AFF4: variants seen among roughly 807,000 people sequenced by gnomAD.
AFF4 encodes the protein ALF transcription elongation factor 4.
Under a neutral mutation model 124.8 loss-of-function variants are expected in AFF4, and 13 were observed. The observed-to-expected ratio is 0.10, with a 90% CI of 0.07 to 0.17. The LOEUF (loss-of-function observed/expected upper bound fraction) is 0.17. Among genes scored for constraint, AFF4 ranks in the 10% least tolerant of loss-of-function variants. AFF4 has a pLI of 1.00. For missense variants in AFF4, 1,092 were observed against 1,403.8 expected, an observed-to-expected ratio of 0.78 and a Z score of 3.55; for synonymous variants, 477 against 496.1, an observed-to-expected ratio of 0.96 and a Z score of 0.51.
At chr5:132,922,443 T>C (rs1326099638) in intron 5 of AFF4, among the ~76,000 whole-genome samples, 1 of 151,956 alleles carries the variant, frequency 6.6e-6, no homozygotes. Context: ...TATACATTTA[T>C]ACAAAGATTT....
chr5:132,884,489 C>T (rs944590470), intron 19 of AFF4, among the ~76,000 whole-genome samples: 6 of 152,164 alleles, frequency 3.9e-5, no homozygotes, highest in Admixed American at 3.9e-4. Flanking sequence ...ATCTGCCCAC[C>T]TCGGCCTCTC....
chr5:132,934,849 T>C lies in AFF4; in HGVS notation c.216A>G (p.Pro72=). 1.9e-6 allele frequency: 3 copies of C among 1,614,170 alleles called. No individual in the cohort carries two copies. Among genetic ancestry groups the C allele is most frequent in the Non-Finnish European group, 2.5e-6 (3 of 1,180,016 alleles). ...TAGGCTTGGGAATTGCAACAAGCTT[T>C]GGTATAGATCTGTCTCCTATGAAAT... ...MKDFIGDRSI[P]KLVAIPKPTV... Residue 72 remains proline, a synonymous_variant, in exon 3 of 21, where the codon CCA becomes CCG. Coordinates refer to ENST00000265343, the MANE Select transcript of AFF4 (RefSeq NM_014423.4).
Position 132,963,632 on chromosome 5 carries a change from G to A in AFF4, c.-378C>T. 2.5e-6 allele frequency: 1 copy of A among 396,838 alleles called. No homozygotes were observed. Among genetic ancestry groups the A allele is most frequent in the Non-Finnish European group, 4.4e-6 (1 of 225,192 alleles). 24.6% of individuals were successfully genotyped at this position (396,838 alleles called of 1,614,324 possible). ...GACTCCTGCAGCCAGGGCTGTGACT[G>A]ACGCAGCGGCCGTGCCACCATGTGA... On this transcript the variant is annotated 5_prime_UTR_variant, in exon 1 of 21. Transcript: ENST00000265343.
At chr5:132,910,409 A>T (rs1219662626) in intron 5 of AFF4, among the ~76,000 whole-genome samples, 1 of 152,146 alleles carries the variant, frequency 6.6e-6, no homozygotes, top group Non-Finnish European at 1.5e-5. Flanking sequence ...TAGCACTCCT[A>T]TACTTCTCCT....
At chr5:132,909,626 G>A (rs1226865249) in intron 5 of AFF4, among the ~76,000 whole-genome samples, 2 of 152,174 alleles carry the variant, frequency 1.3e-5, no homozygotes, top group Non-Finnish European at 1.5e-5. Context: ...CTGATATCAT[G>A]AAACAATTTC....
chr5:132,944,253 C>G (rs969246437), intron 1 of AFF4, among the ~76,000 whole-genome samples: 1 of 130,920 alleles, frequency 7.6e-6, no homozygotes, highest in Admixed American at 7.4e-5. Flanking sequence ...AGGAGAATGG[C>G]GTGAACCCAG....
intron 11 of AFF4, among the ~76,000 whole-genome samples, chr5:132,893,801 T>A (rs949907135): frequency 2.0e-5 from 3 of 152,140 alleles, no homozygotes; most frequent in African/African-American, 7.2e-5. Flanking sequence ...AATATTTTCA[T>A]TATCCTGAAA....
rs369038555 is a variant in AFF4 at position 132,937,212 on chromosome 5, T to C, written c.-4-19A>G. 6.3e-7 allele frequency: 1 copy of C among 1,590,020 alleles called. No homozygotes were observed. The highest frequency in any genetic ancestry group is 1.1e-5 in the South Asian group (1 of 88,870). ...CATGTTGCTATGAAAAGAAACACAA[T>C]CTTTGTATCACAGAAATAAAAGGAA... On this transcript the variant is annotated intron_variant, in intron 1 of 20. Coordinates refer to ENST00000265343, the MANE Select transcript of AFF4 (RefSeq NM_014423.4).
At chr5:132,952,535 G>A (rs770075921) in intron 1 of AFF4, among the ~76,000 whole-genome samples, 1 of 152,130 alleles carries the variant, frequency 6.6e-6, no homozygotes, top group South Asian at 2.1e-4. Flanking sequence ...GTGCTCCACC[G>A]TGCTCAGACA....
At chr5:132,961,900 G>T (rs900364860) in intron 1 of AFF4, among the ~76,000 whole-genome samples, 3 of 152,164 alleles carry the variant, frequency 2.0e-5, no homozygotes, top group South Asian at 2.1e-4. Flanking sequence ...TTTTTAGTAA[G>T]TTAACTCTGA....
chr5:132,932,079 G>C (rs1761312289), intron 4 of AFF4, 99 bp downstream of exon 4: 1 of 715,034 alleles, frequency 1.4e-6, no homozygotes, highest in South Asian at 2.6e-5. Flanking sequence ...GCAATCTGTT[G>C]CTTCAGATCC....
intron 1 of AFF4, among the ~76,000 whole-genome samples, chr5:132,961,535 T>C (rs891534761): frequency 6.6e-6 from 1 of 152,090 alleles, no homozygotes; most frequent in Non-Finnish European, 1.5e-5. Context: ...GCAGAATATA[T>C]TGCTACAAAA....
At chr5:132,902,560 C>T (rs1760578631) in intron 6 of AFF4, 73 bp from the exon 7 acceptor site, 27 of 1,110,494 alleles carry the variant, frequency 2.4e-5, no homozygotes, top group Non-Finnish European at 3.4e-5. Flanking sequence ...GTAAAATACC[C>T]TCAAATAAAT....
chr5:132,947,267 G>A (rs1266736333), intron 1 of AFF4, among the ~76,000 whole-genome samples: 1 of 151,904 alleles, frequency 6.6e-6, no homozygotes, highest in South Asian at 2.1e-4. Flanking sequence ...GCCGGGTGTG[G>A]TAACGCGCAC....
At chr5:132,897,317 GAA>G (rs1760433419) in intron 10 of AFF4, 77 bp from the exon 11 acceptor site, 1 of 1,490,020 alleles carries the variant, frequency 6.7e-7, no homozygotes, top group Non-Finnish European at 9.1e-7. Flanking sequence ...CAACCTCAAA[GAA>G]GAGGAAAAAC....
intron 9 of AFF4, 97 bp from the exon 10 acceptor site, chr5:132,898,489 T>G: frequency 7.7e-7 from 1 of 1,300,654 alleles, no homozygotes; most frequent in East Asian, 2.5e-5. Context: ...TTTCTTCTTG[T>G]CTTTTTTTTT....
In AFF4 at chr5:132,897,259, T is replaced by G. The variant is rs771464549; in HGVS notation, c.1390-19A>C. 2.5e-6 allele frequency: 4 copies of G among 1,601,716 alleles called. No individual in the cohort carries two copies. In the African/African-American group the frequency reaches 5.4e-5, roughly 22 times the overall value. Reference sequence around the variant, plus strand: ...GTTCAGGCTGAAAAACAGAGAAATATGTATGCTTTTTTCGATACTGAATGC... The same window carrying G: ...GTTCAGGCTGAAAAACAGAGAAATAGGTATGCTTTTTTCGATACTGAATGC... On this transcript the variant is annotated intron_variant, in intron 10 of 20. Transcript: ENST00000265343.
intron 1 of AFF4, among the ~76,000 whole-genome samples, chr5:132,962,850 AG>A: frequency 6.8e-6 from 1 of 147,744 alleles, no homozygotes; most frequent in East Asian, 2.0e-4. Flanking sequence ...AGAGGTGCGC[AG>A]GATCGCGAGA....
At chr5:132,961,465 C>T (rs1351382628) in intron 1 of AFF4, among the ~76,000 whole-genome samples, 1 of 152,058 alleles carries the variant, frequency 6.6e-6, no homozygotes, top group Non-Finnish European at 1.5e-5. Context: ...GATCCGCCCA[C>T]CTCGGCCTCT....
Sources: allele counts gnomAD v4.1 joint callset (sites outside exome capture counted in the v4.1 genomes callset), GRCh38; gene constraint gnomAD v4.1.1; transcripts MANE v1.5; gene names NCBI Gene and HGNC (gene_info 2026-07-23, HGNC 2026-07-21).